The following VPS16 variants were observed in gnomAD, a reference collection of about 807,000 sequenced individuals.
The protein encoded by VPS16 is vacuolar protein sorting-associated protein 16 homolog.
Under a neutral mutation model 116.0 loss-of-function variants are expected in VPS16, and 82 were observed. The observed-to-expected ratio is 0.71, with a 90% CI of 0.59 to 0.85. The LOEUF (loss-of-function observed/expected upper bound fraction) is 0.85, where lower values mean the gene tolerates loss of function less well. VPS16 is among the 40% of genes least tolerant of loss of function. The pLI, the probability that VPS16 is intolerant of heterozygous loss-of-function variation, is 0.00. For missense variants in VPS16, 928 were observed against 1,090.6 expected (o/e 0.85, Z 2.10); for synonymous variants, 406 against 420.7 (o/e 0.96, Z 0.43).
chr20:2,856,560 T>C (rs2089173763), intron 1 of VPS16, among the ~76,000 whole-genome samples: 2 of 152,214 alleles, frequency 1.3e-5, no homozygotes, highest in South Asian at 4.1e-4. Flanking sequence ...AGTGGACAGC[T>C]CCGCAGGTGT....
Position 2,865,028 on chromosome 20 carries a change from C to G in VPS16, c.1977C>G (p.Tyr659Ter). The change falls in exon 20 of 24, where the codon TAC (tyrosine) becomes TAG (stop). Residue 659 changes from tyrosine (Y) to a stop codon, truncating the protein, a stop_gained. Transcript: ENST00000380445. LOFTEE classifies it high-confidence loss of function. This position sits in a 1 kb window ranked among gnomAD's most constrained non-coding sequence, Gnocchi z 5.2. The part of the protein sequence containing the change: ...AALQTAADAF[Y>*]KAKNEFAAKA... ...TGCAGACAGCCGCCGATGCCTTCTA[C>G]AAGGCCAAGAATGAGTTTGCAGCCA... is the stretch of plus-strand genomic sequence containing the variant. The G allele has an allele frequency of 6.2e-7, 1 of 1,614,184 alleles. No individual in the cohort carries two copies. Among genetic ancestry groups the G allele is most frequent in the South Asian group, 1.1e-5 (1 of 91,090 alleles).
chr20:2,860,865 T>C lies in VPS16; in HGVS notation c.630+2T>C. On this transcript the variant is annotated splice_donor_variant, in intron 6 of 23. Coordinates refer to ENST00000380445, the MANE Select transcript of VPS16 (RefSeq NM_022575.4). LOFTEE classifies it high-confidence loss of function. The surrounding 1 kb of genome is among the most constrained non-coding windows in gnomAD (Gnocchi z 6.1). Reference sequence around the variant, plus strand: ...GACCATGCAGCCTGCTCCGCAGTGGTAAGGGCCCTGAGTGGGAATGAAGTG... The same window carrying C: ...GACCATGCAGCCTGCTCCGCAGTGGCAAGGGCCCTGAGTGGGAATGAAGTG... The C allele has an allele frequency of 6.2e-7, 1 of 1,614,036 alleles. No individual in the cohort carries two copies. The highest frequency in any genetic ancestry group is 8.5e-7 in the Non-Finnish European group (1 of 1,180,026).
chr20:2,865,023 T>G lies in VPS16; in HGVS notation c.1972T>G (p.Phe658Val), dbSNP rs751068651. Residue 658 changes from phenylalanine to valine, a missense_variant, in exon 20 of 24, where the codon TTC becomes GTC. Physicochemically the swap from Phe to Val is conservative, Grantham distance 50. Coordinates refer to ENST00000380445, the MANE Select transcript of VPS16 (RefSeq NM_022575.4). The surrounding 1 kb of genome is among the most constrained non-coding windows in gnomAD (Gnocchi z 5.2). ...AGCTCTGCAGACAGCCGCCGATGCC[T>G]TCTACAAGGCCAAGAATGAGTTTGC... ...VAALQTAADA[F>V]YKAKNEFAAK... The G allele has an allele frequency of 6.2e-7, 1 of 1,614,162 alleles. No individual in the cohort carries two copies. The highest frequency in any genetic ancestry group is 8.5e-7 in the Non-Finnish European group (1 of 1,180,022).
intron 8 of VPS16, 116 bp downstream of exon 8, chr20:2,861,396 A>G: frequency 1.3e-6 from 2 of 1,516,340 alleles, no homozygotes; most frequent in Non-Finnish European, 9.1e-7. Flanking sequence ...TTTGGATCTT[A>G]CCTTCTCTGC....
Position 2,859,801 on chromosome 20 carries a change from C to G in VPS16, c.136C>G (p.Pro46Ala). ...GGTGGCTGCTGCACCCTATGGGGGCCCCATTGGTATGTTGCCCCTCCACCA... is the reference window on the plus strand; with the variant it reads ...GGTGGCTGCTGCACCCTATGGGGGCGCCATTGGTATGTTGCCCCTCCACCA... Reference protein sequence around the residue: ...CLVAAAPYGGPIALLRNPWRK... With the variant: ...CLVAAAPYGGAIALLRNPWRK... The change falls in exon 2 of 24, where the codon CCC (proline) becomes GCC (alanine). Residue 46 changes from proline to alanine, a missense_variant. Physicochemically the swap from Pro to Ala is conservative, Grantham distance 27. Coordinates refer to ENST00000380445, the MANE Select transcript of VPS16 (RefSeq NM_022575.4). The G allele has an allele frequency of 1.9e-6, 3 of 1,608,420 alleles. No individual in the cohort carries two copies. Among genetic ancestry groups the G allele is most frequent in the Non-Finnish European group, 2.5e-6 (3 of 1,178,410 alleles).
intron 1 of VPS16, among the ~76,000 whole-genome samples, chr20:2,845,361 A>G (rs2089047990): frequency 6.6e-6 from 1 of 152,134 alleles, no homozygotes; most frequent in South Asian, 2.1e-4. Flanking sequence ...GCTTGGTTCT[A>G]GATACATTGA....
At chr20:2,854,266 A>C (rs977089290) in intron 1 of VPS16, among the ~76,000 whole-genome samples, 2 of 61,970 alleles carry the variant, frequency 3.2e-5, no homozygotes, top group Admixed American at 3.2e-4. Flanking sequence ...CACACACACA[A>C]ATTTTTTAGC....
In VPS16 at chr20:2,863,118, G is replaced by A. The variant is rs1258479973; in HGVS notation, c.1367+18G>A. On this transcript the variant is annotated intron_variant, in intron 14 of 23. Coordinates refer to ENST00000380445, the MANE Select transcript of VPS16 (RefSeq NM_022575.4). The surrounding 1 kb of genome is among the most constrained non-coding windows in gnomAD (Gnocchi z 4.4). ...CTGGACAGGTAGGGTAAGCCCAAGGGTGCAGTGAGCGGGCTGTCAGGGGGG... is the reference window on the plus strand; with the variant it reads ...CTGGACAGGTAGGGTAAGCCCAAGGATGCAGTGAGCGGGCTGTCAGGGGGG... The A allele has an allele frequency of 1.9e-6, 3 of 1,613,858 alleles. No individual in the cohort carries two copies. The highest frequency in any genetic ancestry group is 1.6e-4 in the Middle Eastern group (1 of 6,062).
Position 2,863,889 on chromosome 20 carries a change from G to A in VPS16, c.1477-60G>A, listed in dbSNP as rs2089278652. On this transcript the variant is annotated intron_variant, in intron 15 of 23. Coordinates refer to ENST00000380445, the MANE Select transcript of VPS16 (RefSeq NM_022575.4). The surrounding 1 kb of genome is among the most constrained non-coding windows in gnomAD (Gnocchi z 4.4). Reference sequence around the variant, plus strand: ...CTGAAGGGGTGGGTCCTAAGGGCTTGCAGGAGTGGAGAGTGAGGAATGGCA... The same window carrying A: ...CTGAAGGGGTGGGTCCTAAGGGCTTACAGGAGTGGAGAGTGAGGAATGGCA... 1 of 1,590,482 alleles carries A rather than the reference G, an allele frequency of 6.3e-7. No homozygotes were observed. Among genetic ancestry groups the A allele is most frequent in the Admixed American group, 1.7e-5 (1 of 59,276 alleles).
At chr20:2,842,654 A>C (rs1027208748) in intron 1 of VPS16, among the ~76,000 whole-genome samples, 1 of 147,702 alleles carries the variant, frequency 6.8e-6, no homozygotes, top group Admixed American at 6.7e-5. Context: ...ATAGATATAG[A>C]TAGATATATA....
intron 1 of VPS16, among the ~76,000 whole-genome samples, chr20:2,855,150 G>A (rs1005959611): frequency 2.6e-5 from 4 of 151,694 alleles, no homozygotes; most frequent in East Asian, 3.9e-4. Context: ...TAGTAGAGGC[G>A]GGGTTTCACC....
intron 1 of VPS16, among the ~76,000 whole-genome samples, chr20:2,856,473 T>C (rs2089172934): frequency 6.6e-6 from 1 of 152,218 alleles, no homozygotes; most frequent in Admixed American, 6.5e-5. Flanking sequence ...CTTGACTCAG[T>C]GTTGCCACAA....
At chr20:2,858,350 G>T (rs1249657822) in intron 1 of VPS16, among the ~76,000 whole-genome samples, 1 of 152,078 alleles carries the variant, frequency 6.6e-6, no homozygotes, top group Non-Finnish European at 1.5e-5. Flanking sequence ...CAAGCAGTCT[G>T]CCTGCTTCGG....
At chr20:2,851,466 C>T (rs1024787387) in intron 1 of VPS16, among the ~76,000 whole-genome samples, 7 of 151,932 alleles carry the variant, frequency 4.6e-5, no homozygotes, top group African/African-American at 1.7e-4. Flanking sequence ...AGTTTGAGAC[C>T]AGCCTGGCCA....
At chr20:2,866,400 A>G (rs759937741) in intron 23 of VPS16, 30 bp from the exon 24 acceptor site, 5 of 1,613,970 alleles carry the variant, frequency 3.1e-6, no homozygotes, top group Middle Eastern at 3.3e-4. Context: ...AGCAGCCCCA[A>G]CACCACCTCC....
intron 1 of VPS16, among the ~76,000 whole-genome samples, chr20:2,851,025 G>T (rs2089115383): frequency 6.6e-6 from 1 of 151,958 alleles, no homozygotes; most frequent in Admixed American, 6.6e-5. Flanking sequence ...TGATAGCCTG[G>T]GGCCAAGGAA....
At chr20:2,842,653 G>C (rs1484047111) in intron 1 of VPS16, among the ~76,000 whole-genome samples, 1 of 92,956 alleles carries the variant, frequency 1.1e-5, no homozygotes, top group Non-Finnish European at 2.3e-5. Context: ...GATAGATATA[G>C]ATAGATATAT....
intron 1 of VPS16, among the ~76,000 whole-genome samples, chr20:2,854,872 G>A (rs1459030154): frequency 6.6e-6 from 1 of 151,504 alleles, no homozygotes; most frequent in Non-Finnish European, 1.5e-5. Flanking sequence ...AATGGATGTT[G>A]TGTTAGAAGG....
At chr20:2,866,376 G>T in intron 23 of VPS16, 54 bp from the exon 24 acceptor site, 1 of 1,614,042 alleles carries the variant, frequency 6.2e-7, no homozygotes, top group South Asian at 1.1e-5. Context: ...TGAGAGGCAG[G>T]GTTTGTGCCC....
Sources: gnomAD v4.1 joint callset for allele counts (sites outside exome capture counted in the v4.1 genomes callset) on GRCh38, gnomAD v4.1.1 for gene constraint, Gnocchi (gnomAD v3.1) non-coding constraint, MANE v1.5 for transcripts, NCBI Gene and HGNC (gene_info 2026-07-23, HGNC 2026-07-21) for gene names.